The following ST3GAL6 variants were observed in gnomAD, a reference collection of about 807,000 sequenced individuals.
ST3GAL6 encodes type 2 lactosamine alpha-2,3-sialyltransferase.
ST3GAL6 carries 31 observed loss-of-function variants against 40.5 expected under a neutral mutation model. The ratio of observed to expected loss-of-function variants is 0.77; its 90% CI spans 0.58 to 1.03. The LOEUF is 1.03. Ranked by LOEUF, ST3GAL6 falls within the 50% of genes least tolerant of loss-of-function variation. The pLI, the probability that ST3GAL6 is intolerant of heterozygous loss-of-function variation, is 0.00. For missense variants in ST3GAL6, 357 were observed against 393.2 expected (o/e 0.91, Z 0.78); for synonymous variants, 129 against 136.9 (o/e 0.94, Z 0.40).
chr3:98,785,162 C>A, intron 6 of ST3GAL6, 122 bp downstream of exon 6: 1 of 633,870 alleles, frequency 1.6e-6, no homozygotes, highest in Non-Finnish European at 2.7e-6. Flanking sequence ...TTTTATTGCA[C>A]AACCTTCTCT....
At chr3:98,733,212 T>A in intron 1 of ST3GAL6, 1 of 949,190 alleles carries the variant, frequency 1.1e-6, no homozygotes, top group Non-Finnish European at 1.3e-6. Context: ...CCATGGGCGC[T>A]GGGACCCGCG....
At chr3:98,783,936 G>C (rs1433233991) in intron 5 of ST3GAL6, among the ~76,000 whole-genome samples, 3 of 152,196 alleles carry the variant, frequency 2.0e-5, no homozygotes, top group Non-Finnish European at 4.4e-5. Context: ...CTGTTTACCT[G>C]ACAAAGCCAA....
At chr3:98,763,487 A>C in intron 1 of ST3GAL6, 48 bp downstream of exon 1, 3 of 1,287,564 alleles carry the variant, frequency 2.3e-6, no homozygotes, top group Non-Finnish European at 3.0e-6. Context: ...TTGTGGCTTA[A>C]ATCTAGATGC....
At position 98,768,298 on chromosome 3, in the gene ST3GAL6, C is replaced by T. The variant is rs377184392; in HGVS notation, c.-11-132C>T. Reference sequence around the variant, plus strand: ...CGTTTAGTGAGTATTTCCAAAATTACATGCCCACATCATTTTTTTCTATAG... The same window carrying T: ...CGTTTAGTGAGTATTTCCAAAATTATATGCCCACATCATTTTTTTCTATAG... On this transcript the variant is annotated intron_variant, in intron 1 of 9. Transcript: ENST00000483910. 8 of 704,850 alleles carry T rather than the reference C, an allele frequency of 1.1e-5. No individual in the cohort carries two copies. The East Asian group carries it at 1.6e-4, about 14-fold the overall frequency. 43.7% of individuals were successfully genotyped at this position (704,850 alleles called of 1,614,324 possible). A position where few individuals can be genotyped will look rare whatever the true frequency, so the allele number is the denominator to read the frequency against.
At chr3:98,771,717 G>C (rs952047376) in intron 3 of ST3GAL6, among the ~76,000 whole-genome samples, 5 of 152,000 alleles carry the variant, frequency 3.3e-5, no homozygotes, top group Admixed American at 2.6e-4. Flanking sequence ...CAACTCTCTG[G>C]AAAACTGCAA....
intron 1 of ST3GAL6, among the ~76,000 whole-genome samples, chr3:98,756,028 G>A (rs146246255): frequency 2.0e-5 from 3 of 152,050 alleles, no homozygotes; most frequent in African/African-American, 7.3e-5. Context: ...ATAAAGCTGC[G>A]TGTATGTGTG....
At chr3:98,793,609 T>A (rs949851490) in intron 9 of ST3GAL6, 66 bp from the exon 10 acceptor site, 73 of 969,108 alleles carry the variant, frequency 7.5e-5, no homozygotes, top group Non-Finnish European at 5.1e-5. Flanking sequence ...TATAAAGTAC[T>A]CCATTGGTGC....
At chr3:98,760,860 C>T (rs1937676648), upstream of ST3GAL6, among the ~76,000 whole-genome samples, 1 of 152,076 alleles carries the variant, frequency 6.6e-6, no homozygotes, top group Admixed American at 6.6e-5. Context: ...TGTGGTATGA[C>T]CATACAATGG....
chr3:98,736,331 G>A (rs1361012945), intron 1 of ST3GAL6, among the ~76,000 whole-genome samples: 1 of 152,192 alleles, frequency 6.6e-6, no homozygotes, highest in Non-Finnish European at 1.5e-5. Context: ...TGCATACTTT[G>A]CAATGTATTT....
chr3:98,753,035 C>T (rs529310000), intron 1 of ST3GAL6, among the ~76,000 whole-genome samples: 27 of 152,278 alleles, frequency 1.8e-4, no homozygotes, highest in African/African-American at 5.3e-4. Flanking sequence ...TTAAATCAAA[C>T]GCTAGTAATG....
rs578218989 is a variant in ST3GAL6 at position 98,793,969 on chromosome 3, G to A, written c.*208G>A. ...AAATGTAAAGATAACAGGAAAATAA[G>A]TTTTGATTGCATTGTTTTTAAAATA... On this transcript the variant is annotated 3_prime_UTR_variant, in exon 10 of 10. Coordinates refer to ENST00000483910, the MANE Select transcript of ST3GAL6 (RefSeq NM_001323368.2). The A allele has an allele frequency of 2.0e-4, 76 of 373,368 alleles. No individual in the cohort carries two copies. In the East Asian group the frequency reaches 3.1e-3, roughly 15 times the overall value. 23.1% of individuals were successfully genotyped at this position (373,368 alleles called of 1,614,324 possible).
chr3:98,787,980 G>T, intron 6 of ST3GAL6, 56 bp from the exon 7 acceptor site: 2 of 1,487,960 alleles, frequency 1.3e-6, no homozygotes, highest in Non-Finnish European at 1.8e-6. Flanking sequence ...GAACTGTGAT[G>T]GGAATGGCAG....
chr3:98,770,984 CAT>C, intron 3 of ST3GAL6, 28 bp downstream of exon 3: 1 of 1,603,982 alleles, frequency 6.2e-7, no homozygotes, highest in Non-Finnish European at 8.5e-7. Flanking sequence ...AAACCTGTGG[CAT>C]ACAAAATATT....
intron 1 of ST3GAL6, among the ~76,000 whole-genome samples, chr3:98,749,810 C>A (rs1042061624): frequency 2.0e-5 from 3 of 152,194 alleles, no homozygotes; most frequent in African/African-American, 7.2e-5. Context: ...TATCAGCATA[C>A]TGCTCCAAGA....
At chr3:98,763,955 T>C (rs992492560) in intron 1 of ST3GAL6, among the ~76,000 whole-genome samples, 1 of 152,074 alleles carries the variant, frequency 6.6e-6, no homozygotes, top group African/African-American at 2.4e-5. Flanking sequence ...TTTCTGTGGG[T>C]CAGAATCAGT....
At chr3:98,757,085 C>T (rs1937478012) in intron 1 of ST3GAL6, among the ~76,000 whole-genome samples, 1 of 152,092 alleles carries the variant, frequency 6.6e-6, no homozygotes, top group Non-Finnish European at 1.5e-5. Flanking sequence ...TTTCAGACAT[C>T]AATGTATAAC....
chr3:98,788,506 T>C (rs1248816146), intron 8 of ST3GAL6, 43 bp downstream of exon 8: 1 of 1,543,206 alleles, frequency 6.5e-7, no homozygotes, highest in Non-Finnish European at 8.7e-7. Context: ...CAGATCTGGC[T>C]GAGGTAGGAT....
In ST3GAL6 at chr3:98,795,311, G is replaced by GAAAT. The variant is rs918212932; in HGVS notation, c.*1552_*1555dup. On this transcript the variant is annotated 3_prime_UTR_variant, in exon 10 of 10. Transcript: ENST00000483910. ...TCTCTAAAGAGGGTGTATAAAGGGT[G>GAAAT]AAATACATTAGATTTGGCTCAGAAA... 29 of 152,178 alleles carry GAAAT rather than the reference G, an allele frequency of 1.9e-4. No homozygotes were observed. The highest frequency in any genetic ancestry group is 7.0e-4 in the African/African-American group (29 of 41,440). 9.4% of individuals were successfully genotyped at this position (152,178 alleles called of 1,614,324 possible).
chr3:98,787,546 T>C (rs1940844436), intron 6 of ST3GAL6, among the ~76,000 whole-genome samples: 1 of 152,190 alleles, frequency 6.6e-6, no homozygotes, highest in South Asian at 2.1e-4. Flanking sequence ...ATATAGCAGA[T>C]TTATATTGTT....
Sources: gnomAD v4.1 joint callset for allele counts (sites outside exome capture counted in the v4.1 genomes callset) on GRCh38, gnomAD v4.1.1 for gene constraint, MANE v1.5 for transcripts, NCBI Gene and HGNC (gene_info 2026-07-23, HGNC 2026-07-21) for gene names.